The following TAT variants were observed in gnomAD, a reference collection of about 807,000 sequenced individuals.
TAT encodes L-tyrosine:2-oxoglutarate aminotransferase.
In TAT, 35 loss-of-function variants were observed where a neutral mutation model predicts 53.6. The observed-to-expected ratio is 0.65, with a 90% CI of 0.50 to 0.87. TAT has a LOEUF of 0.87. Ranked by LOEUF, TAT falls within the 40% of genes least tolerant of loss-of-function variation. The pLI, the probability that TAT is intolerant of heterozygous loss-of-function variation, is 0.00. For missense variants in TAT, 525 were observed against 571.8 expected (o/e 0.92, Z 0.83); for synonymous variants, 197 against 206.5 (o/e 0.95, Z 0.39).
intron 6 of TAT, chr16:71,571,880 G>T: frequency 1.6e-6 from 1 of 638,110 alleles, no homozygotes; most frequent in Non-Finnish European, 2.7e-6. Flanking sequence ...CCAGAGTGCA[G>T]AGCCTGAATT....
At chr16:71,569,240 T>C (rs1419596945) in intron 10 of TAT, among the ~76,000 whole-genome samples, 1 of 152,214 alleles carries the variant, frequency 6.6e-6, no homozygotes, top group Non-Finnish European at 1.5e-5. Flanking sequence ...TCACTCCCAG[T>C]TGAGAATTAC....
At chr16:71,570,048 G>A in intron 9 of TAT, 111 bp from the exon 10 acceptor site, 1 of 1,305,394 alleles carries the variant, frequency 7.7e-7, no homozygotes, top group African/African-American at 1.5e-5. Flanking sequence ...GTGATGTTCT[G>A]GCATAAGGAG....
Position 71,574,513 on chromosome 16 carries a change from G to A in TAT, c.341-907C>T, listed in dbSNP as rs557899620. Among the ~76,000 whole-genome samples the A allele has an allele frequency of 5.3e-5, 8 of 150,694 alleles. No individual in the cohort carries two copies. The East Asian group carries it at 5.8e-4, about 11-fold the overall frequency. ...GGAGAATCACTTGAACCCGGGAGGC[G>A]GAGGTTGCGGTGAGCCAAGATCATG... On this transcript the variant is annotated intron_variant, in intron 3 of 11. Transcript: ENST00000355962.
At chr16:71,575,701 T>G in intron 3 of TAT, 1 of 601,734 alleles carries the variant, frequency 1.7e-6, no homozygotes, top group South Asian at 1.9e-5. Context: ...AGAGGGGAAG[T>G]GCCCATATGT....
In TAT at chr16:71,568,818, A is replaced by C; in HGVS notation, c.1126-9T>G. On this transcript the variant is annotated splice_polypyrimidine_tract_variant and intron_variant, in intron 10 of 11. Transcript: ENST00000355962. ...TCCATCTCAATTCCAACCTATACCA[A>C]CAGGAGGGAGAGGCCAACTTATCAG... 1.2e-6 allele frequency: 2 copies of C among 1,610,712 alleles called. No individual in the cohort carries two copies. The highest frequency in any genetic ancestry group is 1.7e-6 in the Non-Finnish European group (2 of 1,177,416).
chr16:71,572,626 G>C lies in TAT; in HGVS notation c.471C>G (p.Asn157Lys), dbSNP rs1266113476. 1.9e-6 allele frequency: 3 copies of C among 1,614,106 alleles called. No homozygotes were observed. In the African/African-American group the frequency reaches 4.0e-5, roughly 22 times the overall value. The change falls in exon 5 of 12, where the codon AAC (asparagine) becomes AAG (lysine). Residue 157 changes from asparagine (N) to lysine (K), a missense_variant. Transcript: ENST00000355962. ...TTGGAACCAGGATGTTTTGCCCTGG[G>C]TTGGCCAACACAGCTAAACAAAGGT... ...AIDLCLAVLA[N>K]PGQNILVPRP...
chr16:71,569,360 G>A (rs1404746978), intron 10 of TAT, among the ~76,000 whole-genome samples: 3 of 150,422 alleles, frequency 2.0e-5, no homozygotes, highest in African/African-American at 7.3e-5. Flanking sequence ...CTTTTCGGAT[G>A]GGGTCTCACT....
rs761127598 is a variant in TAT, at chr16:71,571,607, A to G, written c.758T>C (p.Met253Thr). The G allele has an allele frequency of 9.3e-6, 15 of 1,613,652 alleles. No homozygotes were observed. The highest frequency in any genetic ancestry group is 8.3e-5 in the Admixed American group (5 of 60,016). The change falls in exon 7 of 12, where the codon ATG (methionine) becomes ACG (threonine). Residue 253 changes from methionine (M) to threonine (T), a missense_variant and splice_region_variant. Transcript: ENST00000355962. ...TGATATATCCTGATCAAGACTCACC[A>G]TGTCTCCATAGATCTCATCAGCTAA... ...PILADEIYGD[M>T]VFSDCKYEPL...
intron 11 of TAT, 85 bp from the exon 12 acceptor site, chr16:71,568,369 G>T (rs2044178623): frequency 5.0e-6 from 7 of 1,388,232 alleles, no homozygotes; most frequent in Non-Finnish European, 7.1e-6. Flanking sequence ...TGATCCACAA[G>T]AAGTGGTACC....
Position 71,570,754 on chromosome 16 carries a change from G to A in TAT, c.837C>T (p.Ala279=). ...DVPILSCGGL[A]KRWLVPGWRL... ...TCCAGCCAGGAACCAGCCAGCGCTT[G>A]GCCAGCCCTCCACAGGACAGGATGG... The change falls in exon 8 of 12, where the codon GCC becomes GCT. Residue 279 remains alanine, a synonymous_variant. Transcript: ENST00000355962. 1.2e-6 allele frequency: 2 copies of A among 1,614,208 alleles called. No individual in the cohort carries two copies. The highest frequency in any genetic ancestry group is 1.7e-6 in the Non-Finnish European group (2 of 1,180,040).
rs973020801 is a variant in TAT, at chr16:71,567,268, G to A, written c.*876C>T. 6.6e-6 allele frequency: 1 copy of A among 152,250 alleles called. No homozygotes were observed. Among genetic ancestry groups the A allele is most frequent in the African/African-American group, 2.4e-5 (1 of 41,446 alleles). The allele number at this position is 152,250 out of a possible 1,614,324, so 9.4% of individuals were successfully genotyped here. On this transcript the variant is annotated 3_prime_UTR_variant, in exon 12 of 12. Transcript: ENST00000355962. ...TACTAAAAATACAAAAATTAGCCGG[G>A]CATGGTGGCTCACGCCTGTAGTCCC... is the stretch of plus-strand genomic sequence containing the variant.
chr16:71,571,611 C>G lies in TAT; in HGVS notation c.754G>C (p.Asp252His). The part of the protein sequence containing the change: ...VPILADEIYG[D>H]MVFSDCKYEP... ...ATATCCTGATCAAGACTCACCATGT[C>G]TCCATAGATCTCATCAGCTAAGATG... The change falls in exon 7 of 12, where the codon GAC becomes CAC. Residue 252 changes from aspartate (D) to histidine (H), a missense_variant. By Grantham distance (81) the Asp-to-His change is moderately conservative. Transcript: ENST00000355962. 13 of 1,613,962 alleles carry G rather than the reference C, an allele frequency of 8.1e-6. No individual in the cohort carries two copies. The highest frequency in any genetic ancestry group is 1.1e-5 in the Non-Finnish European group (13 of 1,179,824).
intron 6 of TAT, 31 bp downstream of exon 6, chr16:71,572,155 C>T: frequency 3.7e-6 from 6 of 1,614,012 alleles, no homozygotes; most frequent in Middle Eastern, 1.7e-4. Flanking sequence ...TCTGTCCCCA[C>T]CTCGTCCTCT....
Position 71,572,201 on chromosome 16 carries a change from G to A in TAT, c.691C>T (p.Gln231Ter). Residue 231 changes from glutamine (Q) to a stop codon, truncating the protein, a stop_gained, in exon 6 of 12, where the codon CAG (glutamine) becomes TAG (stop). Transcript: ENST00000355962. LOFTEE classifies it high-confidence loss of function. Reference protein sequence around the residue: ...CGSVFSKRHLQKILAVAARQC... With the variant: ...CGSVFSKRHL ...CTGGACGTACCTGCCAGAATCTTCT[G>A]AAGATGACGTTTGCTGAACACTGAC... 6.2e-7 allele frequency: 1 copy of A among 1,614,168 alleles called. No homozygotes were observed. The highest frequency in any genetic ancestry group is 8.5e-7 in the Non-Finnish European group (1 of 1,180,004).
At position 71,576,285 on chromosome 16, in the gene TAT, C is replaced by T; in HGVS notation, c.131G>A (p.Arg44Lys). ...AGTTTTCTTGGCCATGTCTGAGGGC[C>T]TCACAGACCACCTGGCCTTTCTGCC... ...MKGRKARWSV[R>K]PSDMAKKTFN... Residue 44 changes from arginine (R) to lysine (K), a missense_variant, in exon 2 of 12, where the codon AGG becomes AAG. Arg to Lys is a conservative substitution (Grantham distance 26). Transcript: ENST00000355962. 3.1e-6 allele frequency: 5 copies of T among 1,614,202 alleles called. No individual in the cohort carries two copies. The highest frequency in any genetic ancestry group is 1.1e-5 in the South Asian group (1 of 91,088).
At position 71,570,634 on chromosome 16, in the gene TAT, A is replaced by G. The variant is rs147525608; in HGVS notation, c.912+45T>C. 3.1e-6 allele frequency: 5 copies of G among 1,613,716 alleles called. No homozygotes were observed. In the African/African-American group the frequency reaches 6.7e-5, roughly 22 times the overall value. The stretch of plus-strand genomic sequence containing the variant: ...CTTGTCCCCACTGTGCTCATGAAAT[A>G]AATATATACCCTAAATTACACATAC... On this transcript the variant is annotated intron_variant, in intron 8 of 11. Coordinates refer to ENST00000355962, the MANE Select transcript of TAT (RefSeq NM_000353.3).
intron 8 of TAT, 52 bp downstream of exon 8, chr16:71,570,627 A>C (rs1597053400): frequency 6.2e-7 from 1 of 1,613,174 alleles, no homozygotes; most frequent in East Asian, 2.2e-5. Context: ...CACTGTGCTC[A>C]TGAAATAAAT....
Position 71,565,864 on chromosome 16 carries a change from C to A in TAT, c.*2280G>T, listed in dbSNP as rs781277865. 2.6e-5 allele frequency: 4 copies of A among 152,124 alleles called. No homozygotes were observed. Among genetic ancestry groups the A allele is most frequent in the Non-Finnish European group, 5.9e-5 (4 of 68,032 alleles). The allele number at this position is 152,124 out of a possible 1,614,324, so 9.4% of individuals were successfully genotyped here. On this transcript the variant is annotated 3_prime_UTR_variant, in exon 12 of 12. Transcript: ENST00000355962. ...GTTTGTTTGTATCGTTTGAAATTGT[C>A]CAGTGTGTATGTGTTCTTTTCAAAT...
chr16:71,570,064 A>G, intron 9 of TAT, 127 bp from the exon 10 acceptor site: 2 of 1,314,966 alleles, frequency 1.5e-6, no homozygotes, highest in Admixed American at 4.1e-5. Context: ...AGGAGTGAAA[A>G]AGAAAAAGCT....
Sources: gnomAD v4.1 joint callset for allele counts (sites outside exome capture counted in the v4.1 genomes callset) on GRCh38, gnomAD v4.1.1 for gene constraint, MANE v1.5 for transcripts, NCBI Gene and HGNC (gene_info 2026-07-23, HGNC 2026-07-21) for gene names.